MYCBP2: variants seen among roughly 807,000 people sequenced by gnomAD.
MYCBP2 encodes MYC binding protein 2, also known as E3 ubiquitin-protein ligase MYCBP2.
MYCBP2 carries 120 observed loss-of-function variants against 525.3 expected under a neutral mutation model. The observed-to-expected ratio is 0.23, with a 90% CI of 0.20 to 0.27. MYCBP2 has a LOEUF of 0.27. Among genes scored for constraint, MYCBP2 ranks in the 10% least tolerant of loss-of-function variants. The pLI is 1.00. For missense variants in MYCBP2, 4,149 were observed against 5,657.1 expected, an observed-to-expected ratio of 0.73 and a Z score of 8.55; for synonymous variants, 1,894 against 1,955.8, an observed-to-expected ratio of 0.97 and a Z score of 0.83.
At chr13:77,267,701 T>A in intron 8 of MYCBP2, 140 bp downstream of exon 8, 1 of 671,664 alleles carries the variant, frequency 1.5e-6, no homozygotes, top group South Asian at 1.7e-5. Context: ...GACTATAAAA[T>A]GCTTTGTATG....
Position 77,318,611 on chromosome 13 carries a change from G to A in MYCBP2, c.302+7863C>T, listed in dbSNP as rs553041125. On this transcript the variant is annotated intron_variant, in intron 1 of 82. Transcript: ENST00000544440. ...TCTAGTAAAAATACAAAAATCAGCC[G>A]AGTGTGGTGGGACACGCCTGTAATC... 1.8e-3 allele frequency among the ~76,000 whole-genome samples: 268 copies of A among 152,008 alleles called. 3 individuals are homozygous for A. The highest frequency in any genetic ancestry group is 1.6e-3 in the Non-Finnish European group (107 of 68,008).
chr13:77,237,807 A>AT (rs2068153500), intron 17 of MYCBP2, among the ~76,000 whole-genome samples: 1 of 152,044 alleles, frequency 6.6e-6, no homozygotes, highest in South Asian at 2.1e-4. Flanking sequence ...ATGCTGATCT[A>AT]TTTTTTCTTA....
At chr13:77,261,120 T>C in intron 12 of MYCBP2, 51 bp downstream of exon 12, 1 of 1,418,498 alleles carries the variant, frequency 7.0e-7, no homozygotes, top group African/African-American at 1.5e-5. Context: ...TTATTTTTAC[T>C]AAAATAAAGC....
At chr13:77,221,198 C>T (rs773134445) in intron 20 of MYCBP2, among the ~76,000 whole-genome samples, 1 of 151,950 alleles carries the variant, frequency 6.6e-6, no homozygotes, top group South Asian at 2.1e-4. Flanking sequence ...TAAATGCTAT[C>T]GTATTTCATG....
chr13:77,214,302 T>C (rs9530625), intron 21 of MYCBP2, among the ~76,000 whole-genome samples: 1 of 151,996 alleles, frequency 6.6e-6, no homozygotes, highest in Non-Finnish European at 1.5e-5. Context: ...CACAGTAATC[T>C]CACTTCTAGG....
chr13:77,268,354 T>C (rs561291845), intron 7 of MYCBP2, among the ~76,000 whole-genome samples: 8 of 152,352 alleles, frequency 5.3e-5, no homozygotes, highest in African/African-American at 1.9e-4. Flanking sequence ...CACACTGCTA[T>C]AATAATATAC....
chr13:77,058,940 G>A lies in MYCBP2; in HGVS notation c.13141-534C>T, dbSNP rs1325643637. On this transcript the variant is annotated intron_variant, in intron 77 of 82. Coordinates refer to ENST00000544440, the MANE Select transcript of MYCBP2 (RefSeq NM_015057.5). This position sits in a 1 kb window ranked among gnomAD's most constrained non-coding sequence, Gnocchi z 4.1. ...GCGGAGGTTGCAGTGAGCCGAGATCGTGCCACTGTACTCCAGCCTGGGCGA... is the reference window on the plus strand; with the variant it reads ...GCGGAGGTTGCAGTGAGCCGAGATCATGCCACTGTACTCCAGCCTGGGCGA... Among the ~76,000 whole-genome samples the A allele has an allele frequency of 2.0e-5, 3 of 152,148 alleles. No individual in the cohort carries two copies. Among genetic ancestry groups the A allele is most frequent in the South Asian group, 2.1e-4 (1 of 4,810 alleles).
At chr13:77,250,337 A>T (rs2070975778) in intron 15 of MYCBP2, among the ~76,000 whole-genome samples, 1 of 152,218 alleles carries the variant, frequency 6.6e-6, no homozygotes, top group Non-Finnish European at 1.5e-5. Context: ...TATTAGATCC[A>T]GACAATATTT....
chr13:77,261,383 A>AT lies in MYCBP2; in HGVS notation c.1648-9dup, dbSNP rs1459576452. 11 of 1,469,652 alleles carry AT rather than the reference A, an allele frequency of 7.5e-6. No individual in the cohort carries two copies. The East Asian group carries it at 1.7e-4, about 22-fold the overall frequency. 91.0% of individuals were successfully genotyped at this position (1,469,652 alleles called of 1,614,324 possible). ...TTTGCCAGTGTAATATATCTTATGT[A>AT]TTAAAAAAAAAAAGGAATTATGGTA... is the stretch of plus-strand genomic sequence containing the variant. On this transcript the variant is annotated splice_polypyrimidine_tract_variant and intron_variant, in intron 11 of 82. Transcript: ENST00000544440.
intron 33 of MYCBP2, 29 bp from the exon 34 acceptor site, chr13:77,180,347 T>C: frequency 1.3e-6 from 2 of 1,595,672 alleles, no homozygotes; most frequent in Non-Finnish European, 1.7e-6. Flanking sequence ...AGTTCTAAGG[T>C]ATTGTTTTAT....
At chr13:77,073,354 C>G (rs995521915) in intron 68 of MYCBP2, among the ~76,000 whole-genome samples, 2 of 152,052 alleles carry the variant, frequency 1.3e-5, no homozygotes, top group African/African-American at 4.8e-5. Context: ...GATAGAAATT[C>G]TCAGCAAACT....
At chr13:77,223,544 G>C (rs2065873184) in intron 20 of MYCBP2, among the ~76,000 whole-genome samples, 1 of 152,168 alleles carries the variant, frequency 6.6e-6, no homozygotes, top group Non-Finnish European at 1.5e-5. Flanking sequence ...TGTAATGAAA[G>C]ACAAGTAAGA....
At chr13:77,204,178 A>G (rs1464769685) in intron 26 of MYCBP2, among the ~76,000 whole-genome samples, 121 of 152,088 alleles carry the variant, frequency 8.0e-4, no homozygotes, top group Non-Finnish European at 2.4e-4. Flanking sequence ...AGAATCTACA[A>G]TGAACTCAAA....
Position 77,169,781 on chromosome 13 carries a change from C to A in MYCBP2, c.5795-67G>T, listed in dbSNP as rs2058959189. On this transcript the variant is annotated intron_variant, in intron 38 of 82. Coordinates refer to ENST00000544440, the MANE Select transcript of MYCBP2 (RefSeq NM_015057.5). ...GTAATTTCATTGTACTGCATACATG[C>A]TGTACTAAATCTATATTCTGCTCTT... is the stretch of plus-strand genomic sequence containing the variant. 3.4e-5 allele frequency: 44 copies of A among 1,297,866 alleles called. No homozygotes were observed. The South Asian group carries it at 4.9e-4, about 14-fold the overall frequency. The allele number at this position is 1,297,866 out of a possible 1,614,324, so 80.4% of individuals were successfully genotyped here.
chr13:77,286,750 C>T (rs1157875214), intron 3 of MYCBP2, among the ~76,000 whole-genome samples: 4 of 33,634 alleles, frequency 1.2e-4, no homozygotes, highest in African/African-American at 4.8e-4. Flanking sequence ...AGCTAGACTC[C>T]GTCTCAAAAA....
intron 2 of MYCBP2, among the ~76,000 whole-genome samples, chr13:77,289,764 T>C (rs2077284440): frequency 6.6e-6 from 1 of 152,104 alleles, no homozygotes; most frequent in Non-Finnish European, 1.5e-5. Flanking sequence ...ATGTTTTTAC[T>C]TGTAAAAAAA....
At position 77,296,603 on chromosome 13, in the gene MYCBP2, C is replaced by T. The variant is rs373177112; in HGVS notation, c.374G>A (p.Ser125Asn). Reference sequence around the variant, plus strand: ...ATCAATTACCAGCAGCTTTACCTTGCTTCTTGTCTTCACTTTTGATTTGCT... The same window carrying T: ...ATCAATTACCAGCAGCTTTACCTTGTTTCTTGTCTTCACTTTTGATTTGCT... ...QKSKSKVKTRSKSENLENTVI... is the reference protein window; with the variant it reads ...QKSKSKVKTRNKSENLENTVI... Residue 125 changes from serine to asparagine, a missense_variant, in exon 2 of 83, where the codon AGC (serine) becomes AAC (asparagine). By Grantham distance (46) the Ser-to-Asn change is conservative (BLOSUM62 1). Coordinates refer to ENST00000544440, the MANE Select transcript of MYCBP2 (RefSeq NM_015057.5). 14 of 1,581,028 alleles carry T rather than the reference C, an allele frequency of 8.9e-6. No individual in the cohort carries two copies. The highest frequency in any genetic ancestry group is 4.6e-5 in the East Asian group (2 of 43,830).
rs568952825 is a variant in MYCBP2, at chr13:77,182,694, T to C, written c.4720-772A>G. Among the ~76,000 whole-genome samples, 15 of 152,352 alleles carry C rather than the reference T, an allele frequency of 9.8e-5. No homozygotes were observed. In the East Asian group the frequency reaches 2.1e-3, roughly 22 times the overall value. On this transcript the variant is annotated intron_variant, in intron 32 of 82. Transcript: ENST00000544440. ...CCCCTGGAAATTGAGTGGTAAAACA[T>C]ACTACTCTGCTACATGGATGCAAAG...
At chr13:77,120,733 A>G (rs1477126187) in intron 55 of MYCBP2, among the ~76,000 whole-genome samples, 1 of 152,146 alleles carries the variant, frequency 6.6e-6, no homozygotes, top group African/African-American at 2.4e-5. Context: ...AAAATTAACT[A>G]TTGTTTGGAC....
Sources: allele counts gnomAD v4.1 joint callset (sites outside exome capture counted in the v4.1 genomes callset), GRCh38; gene constraint gnomAD v4.1.1; non-coding constraint Gnocchi (gnomAD v3.1); transcripts MANE v1.5; gene names NCBI Gene and HGNC (gene_info 2026-07-23, HGNC 2026-07-21).